Variants in TBCK observed in about 807,000 individuals in gnomAD.
The protein encoded by TBCK is TBC domain-containing protein kinase-like protein.
A neutral mutation model predicts 113.4 loss-of-function variants in TBCK; 99 were observed. The ratio of observed to expected loss-of-function variants is 0.87; its 90% CI spans 0.74 to 1.03. The LOEUF (loss-of-function observed/expected upper bound fraction) is 1.03, where lower values mean the gene tolerates loss of function less well. Among genes scored for constraint, TBCK ranks in the 50% least tolerant of loss-of-function variants. The pLI is 0.00. For missense variants in TBCK, 1,045 were observed against 1,061.3 expected, an observed-to-expected ratio of 0.98 and a Z score of 0.21; for synonymous variants, 369 against 370.8, an observed-to-expected ratio of 1.00 and a Z score of 0.05.
At chr4:106,246,847 G>T (rs528584957) in intron 10 of TBCK, among the ~76,000 whole-genome samples, 99 of 152,134 alleles carry the variant, frequency 6.5e-4, no homozygotes, top group African/African-American at 1.9e-3. Context: ...TTTGTTTTTT[G>T]TTGTTGTTGT....
intron 23 of TBCK, among the ~76,000 whole-genome samples, chr4:106,145,923 G>T (rs1485181881): frequency 6.6e-6 from 1 of 152,142 alleles, no homozygotes; most frequent in Non-Finnish European, 1.5e-5. Flanking sequence ...TAGAGAAAAG[G>T]GAACACTTAC....
chr4:106,272,744 G>T (rs911427901), intron 3 of TBCK, among the ~76,000 whole-genome samples: 1 of 151,744 alleles, frequency 6.6e-6, no homozygotes, highest in Non-Finnish European at 1.5e-5. Context: ...ATCTGCCCAC[G>T]TCGGCCTCCC....
intron 19 of TBCK, among the ~76,000 whole-genome samples, chr4:106,219,638 G>C (rs1259808396): frequency 6.6e-6 from 1 of 151,604 alleles, no homozygotes; most frequent in East Asian, 1.9e-4. Flanking sequence ...ATCTACTCAA[G>C]GGCAAGTAAC....
At chr4:106,293,752 T>G (rs1765970044) in intron 3 of TBCK, among the ~76,000 whole-genome samples, 1 of 152,196 alleles carries the variant, frequency 6.6e-6, no homozygotes, top group Admixed American at 6.5e-5. Context: ...TTTCTTCCCT[T>G]GAAAAAGATT....
rs150167219 is a variant in TBCK, at chr4:106,251,998, C to T, written c.465G>A (p.Ser155=). 2.7e-4 allele frequency: 439 copies of T among 1,603,110 alleles called. No homozygotes were observed. The highest frequency in any genetic ancestry group is 3.4e-4 in the Non-Finnish European group (395 of 1,174,912). Residue 155 remains serine (S), a synonymous_variant, in exon 6 of 26, where the codon TCG becomes TCA. Coordinates refer to ENST00000394708, the MANE Select transcript of TBCK (RefSeq NM_001163435.3). The part of the protein sequence containing the change: ...DDVDFPIGYP[S]YLAPEVIAQG... The stretch of plus-strand genomic sequence containing the variant: ...GTGCAATTACCTCAGGGGCCAAGTA[C>T]GAGGGATACCTGTAATGATACATTA...
intron 25 of TBCK, among the ~76,000 whole-genome samples, chr4:106,084,586 A>C (rs1419388163): frequency 1.3e-5 from 2 of 152,136 alleles, no homozygotes; most frequent in Non-Finnish European, 2.9e-5. Flanking sequence ...AATACAGAGA[A>C]CACCACCGTT....
At chr4:106,097,144 A>G (rs901695116) in intron 24 of TBCK, among the ~76,000 whole-genome samples, 2 of 152,148 alleles carry the variant, frequency 1.3e-5, no homozygotes, top group African/African-American at 4.8e-5. Flanking sequence ...CTTGTGATTT[A>G]TTATTTGTTT....
chr4:106,132,261 G>A (rs933453137), intron 23 of TBCK, among the ~76,000 whole-genome samples: 4 of 152,238 alleles, frequency 2.6e-5, no homozygotes, highest in Admixed American at 6.5e-5. Flanking sequence ...TGTGGGTGGG[G>A]CCCAGGGCCC....
chr4:106,261,810 C>T (rs1033606944), intron 4 of TBCK, among the ~76,000 whole-genome samples: 5 of 151,564 alleles, frequency 3.3e-5, no homozygotes, highest in African/African-American at 9.7e-5. Context: ...TATACTGGGA[C>T]GCCACAAGGC....
In TBCK at chr4:106,060,456, G is replaced by A. The variant is rs558274325; in HGVS notation, c.2572-13776C>T. ...TTCTATAAATGGAACAACAAAGTCC[G>A]GACGACAGCACACCTGTTTGCAGCA... On this transcript the variant is annotated intron_variant, in intron 25 of 25. Transcript: ENST00000394708. 1.2e-3 allele frequency among the ~76,000 whole-genome samples: 184 copies of A among 151,796 alleles called. 1 individual carries two copies. The highest frequency in any genetic ancestry group is 3.4e-3 in the African/African-American group (141 of 41,448).
chr4:106,111,108 C>T (rs181528448), intron 24 of TBCK, among the ~76,000 whole-genome samples: 3 of 152,274 alleles, frequency 2.0e-5, no homozygotes, highest in African/African-American at 7.2e-5. Flanking sequence ...TCCCCTACCC[C>T]TAACGTGGCT....
intron 23 of TBCK, among the ~76,000 whole-genome samples, chr4:106,153,429 G>A (rs62321376): frequency 0.077 from 11,662 of 151,970 alleles, 512 homozygotes; most frequent in Middle Eastern, 0.18. Flanking sequence ...ATATTATTTC[G>A]ATTTTCTGAA....
intron 3 of TBCK, among the ~76,000 whole-genome samples, chr4:106,283,697 T>G (rs552527576): frequency 1.7e-4 from 26 of 152,020 alleles, no homozygotes; most frequent in Non-Finnish European, 3.1e-4. Context: ...TTGGAGTTAT[T>G]TAATGAGAGA....
At chr4:106,089,120 C>T (rs1041935066) in intron 25 of TBCK, among the ~76,000 whole-genome samples, 5 of 151,610 alleles carry the variant, frequency 3.3e-5, no homozygotes, top group Admixed American at 1.3e-4. Context: ...GTACCAACAT[C>T]TTCTGGTGAG....
chr4:106,082,117 T>C (rs1738942426), intron 25 of TBCK, among the ~76,000 whole-genome samples: 1 of 152,220 alleles, frequency 6.6e-6, no homozygotes, highest in Admixed American at 6.5e-5. Flanking sequence ...CAAAGGATAA[T>C]AAATTCTTCT....
intron 22 of TBCK, among the ~76,000 whole-genome samples, chr4:106,183,502 A>G (rs1046179939): frequency 2.0e-5 from 3 of 151,920 alleles, no homozygotes; most frequent in Admixed American, 6.6e-5. Context: ...TAAGCTGCCA[A>G]TGCTTTCTCT....
At position 106,044,719 on chromosome 4, in the gene TBCK, T is replaced by C. The variant is rs1578734828; in HGVS notation, c.*1851A>G. On this transcript the variant is annotated 3_prime_UTR_variant, in exon 26 of 26. Coordinates refer to ENST00000394708, the MANE Select transcript of TBCK (RefSeq NM_001163435.3). Reference sequence around the variant, plus strand: ...TGAAAGTATTCTGGATAATACTGATTGCACAACTTTGTGAATACACTAAAA... The same window carrying C: ...TGAAAGTATTCTGGATAATACTGATCGCACAACTTTGTGAATACACTAAAA... The C allele has an allele frequency of 6.6e-6, 1 of 152,366 alleles. No homozygotes were observed. The highest frequency in any genetic ancestry group is 2.4e-5 in the African/African-American group (1 of 41,594). 9.4% of individuals were successfully genotyped at this position (152,366 alleles called of 1,614,324 possible).
intron 25 of TBCK, among the ~76,000 whole-genome samples, chr4:106,052,957 AT>A (rs1000606081): frequency 9.9e-5 from 15 of 151,682 alleles, no homozygotes; most frequent in Non-Finnish European, 1.8e-4. Flanking sequence ...AAATAACAGG[AT>A]TTAAAAAATA....
chr4:106,109,018 TACACACACACAC>T (rs112164356), intron 24 of TBCK, among the ~76,000 whole-genome samples: 1 of 140,520 alleles, frequency 7.1e-6, no homozygotes, highest in African/African-American at 2.6e-5. Context: ...GACACACACA[TACACACACACAC>T]ACACACACAC....
Sources: gnomAD v4.1 joint callset for allele counts (sites outside exome capture counted in the v4.1 genomes callset) on GRCh38, gnomAD v4.1.1 for gene constraint, MANE v1.5 for transcripts, NCBI Gene and HGNC (gene_info 2026-07-23, HGNC 2026-07-21) for gene names.